Variants in SARNP observed in about 807,000 individuals in gnomAD.
SARNP encodes SAP domain containing ribonucleoprotein, also known as SAP domain-containing ribonucleoprotein.
SARNP carries 5 observed loss-of-function variants against 38.1 expected under a neutral mutation model. The observed-to-expected ratio is 0.13, with a 90% CI of 0.07 to 0.28. The LOEUF (loss-of-function observed/expected upper bound fraction) is 0.28, where lower values mean the gene tolerates loss of function less well. Among genes scored for constraint, SARNP ranks in the 10% least tolerant of loss-of-function variants. The probability of loss-of-function intolerance (pLI) is 1.00; values close to 1 mark genes in which losing one functional copy is unlikely to be tolerated. For missense variants in SARNP, 180 were observed against 243.9 expected, an observed-to-expected ratio of 0.74 and a Z score of 1.75; for synonymous variants, 84 against 80.6, an observed-to-expected ratio of 1.04 and a Z score of -0.23.
intron 8 of SARNP, 73 bp from the exon 9 acceptor site, chr12:55,789,216 T>C: frequency 1.9e-6 from 2 of 1,052,408 alleles, no homozygotes; most frequent in South Asian, 1.4e-5. Context: ...GAAACTATAG[T>C]ATGAAGCTAA....
Position 55,771,714 on chromosome 12 carries a change from T to C in SARNP, c.502-11074A>G, listed in dbSNP as rs142026203. Among the ~76,000 whole-genome samples the C allele has an allele frequency of 3.1e-3, 467 of 152,224 alleles. 4 individuals carry two copies. Among genetic ancestry groups the C allele is most frequent in the African/African-American group, 0.01 (436 of 41,534 alleles). On this transcript the variant is annotated intron_variant, in intron 9 of 10. Coordinates refer to ENST00000336133, the MANE Select transcript of SARNP (RefSeq NM_033082.4). ...ACAAATAACTGCCCCCCTTTGTAAA[T>C]GAGTTACCATACTAAGATGTTAATA...
In SARNP at chr12:55,795,955, G is replaced by A. The variant is rs532020844; in HGVS notation, c.303+70C>T. ...CTGTGAATAAATTTTAGAGGATGAT[G>A]CAGATATAATAAAGGGTAAGAGGGA... is the stretch of plus-strand genomic sequence containing the variant. On this transcript the variant is annotated intron_variant, in intron 5 of 10. Coordinates refer to ENST00000336133, the MANE Select transcript of SARNP (RefSeq NM_033082.4). The A allele has an allele frequency of 5.3e-4, 567 of 1,064,792 alleles. 5 individuals carry two copies. The East Asian group carries it at 0.012, about 23-fold the overall frequency. 66.0% of individuals were successfully genotyped at this position (1,064,792 alleles called of 1,614,324 possible).
chr12:55,802,767 T>C (rs143971431), intron 2 of SARNP, among the ~76,000 whole-genome samples: 9 of 151,470 alleles, frequency 5.9e-5, no homozygotes, highest in African/African-American at 2.2e-4. Flanking sequence ...ATACTATAAG[T>C]AGTATCACTT....
At chr12:55,785,560 T>C (rs1206416784) in intron 9 of SARNP, among the ~76,000 whole-genome samples, 1 of 147,950 alleles carries the variant, frequency 6.8e-6, no homozygotes, top group Admixed American at 6.8e-5. Flanking sequence ...GAGGCCAAAG[T>C]GAGTGATCAC....
intron 9 of SARNP, among the ~76,000 whole-genome samples, chr12:55,773,637 C>G (rs1401183096): frequency 2.0e-5 from 3 of 152,206 alleles, no homozygotes; most frequent in African/African-American, 2.4e-5. Flanking sequence ...CACACAAAGG[C>G]ATTTTTTCCT....
At chr12:55,813,826 G>A (rs534823796) in intron 1 of SARNP, among the ~76,000 whole-genome samples, 3 of 152,162 alleles carry the variant, frequency 2.0e-5, no homozygotes, top group Non-Finnish European at 4.4e-5. Context: ...TTACAAGCGT[G>A]AGCCACTGCA....
intron 6 of SARNP, 83 bp from the exon 7 acceptor site, chr12:55,794,470 C>T (rs1309960139): frequency 1.3e-5 from 16 of 1,185,960 alleles, no homozygotes; most frequent in Non-Finnish European, 1.8e-5. Flanking sequence ...ATACATATGA[C>T]ACTTCTTGCT....
chr12:55,787,148 C>T (rs970251163), intron 9 of SARNP, among the ~76,000 whole-genome samples: 17 of 151,502 alleles, frequency 1.1e-4, no homozygotes, highest in Admixed American at 6.6e-4. Context: ...GGGAGGCTTG[C>T]TTGAGCCTGG....
intron 8 of SARNP, among the ~76,000 whole-genome samples, 182 bp downstream of exon 8, chr12:55,790,385 A>G (rs1214610427): frequency 6.6e-6 from 1 of 152,168 alleles, no homozygotes; most frequent in Admixed American, 6.5e-5. Flanking sequence ...ACATGTGACA[A>G]TTTTCCTGAC....
At chr12:55,757,205 A>T (rs1878532860), downstream of SARNP, 4 of 223,748 alleles carry the variant, frequency 1.8e-5, no homozygotes, top group East Asian at 3.8e-4. Context: ...TTTGCCCCTG[A>T]AGCTCCCCTT....
At chr12:55,757,932 C>T (rs577196078) in intron 10 of SARNP, among the ~76,000 whole-genome samples, 23 of 152,170 alleles carry the variant, frequency 1.5e-4, no homozygotes, top group Middle Eastern at 6.8e-3. Flanking sequence ...AATGGGGAGA[C>T]GGAAGATTTC....
intron 5 of SARNP, among the ~76,000 whole-genome samples, chr12:55,795,263 G>A (rs1565679822): frequency 6.6e-6 from 1 of 152,050 alleles, no homozygotes; most frequent in African/African-American, 2.4e-5. Context: ...CCCAGCCAAA[G>A]GTAGGTATCT....
intron 1 of SARNP, among the ~76,000 whole-genome samples, chr12:55,813,821 A>T (rs1357325341): frequency 1.3e-5 from 2 of 152,102 alleles, no homozygotes; most frequent in African/African-American, 4.8e-5. Flanking sequence ...TGGGATTACA[A>T]GCGTGAGCCA....
chr12:55,811,375 C>T (rs564757102), intron 1 of SARNP, among the ~76,000 whole-genome samples: 1 of 152,100 alleles, frequency 6.6e-6, no homozygotes, highest in Admixed American at 6.6e-5. Flanking sequence ...CTGGGCAACA[C>T]GGGTAGACTC....
chr12:55,807,863 C>T (rs1880202741), intron 1 of SARNP, among the ~76,000 whole-genome samples: 1 of 151,008 alleles, frequency 6.6e-6, no homozygotes, highest in African/African-American at 2.4e-5. Context: ...CTTTCTCACA[C>T]TGATACATTA....
At chr12:55,802,917 C>T (rs1235262222) in intron 2 of SARNP, among the ~76,000 whole-genome samples, 1 of 145,014 alleles carries the variant, frequency 6.9e-6, no homozygotes, top group Non-Finnish European at 1.5e-5. Context: ...TCCACATGGA[C>T]GCATCTTTAA....
intron 1 of SARNP, among the ~76,000 whole-genome samples, chr12:55,806,931 TGA>T (rs1381669777): frequency 6.6e-6 from 1 of 152,224 alleles, no homozygotes; most frequent in Non-Finnish European, 1.5e-5. Context: ...GTCTCAGATT[TGA>T]GAGTTTCACA....
At chr12:55,776,804 G>C (rs1342104808) in intron 9 of SARNP, among the ~76,000 whole-genome samples, 2 of 152,078 alleles carry the variant, frequency 1.3e-5, no homozygotes, top group Non-Finnish European at 1.5e-5. Flanking sequence ...ACTAAGAGTG[G>C]TACTTTCAAA....
chr12:55,758,221 G>A (rs1443109608), intron 10 of SARNP, among the ~76,000 whole-genome samples: 1 of 152,178 alleles, frequency 6.6e-6, no homozygotes, highest in Non-Finnish European at 1.5e-5. Flanking sequence ...TCCTTCATGG[G>A]CACTCCCAAC....
Sources: allele counts gnomAD v4.1 joint callset (sites outside exome capture counted in the v4.1 genomes callset), GRCh38; gene constraint gnomAD v4.1.1; transcripts MANE v1.5; gene names NCBI Gene and HGNC (gene_info 2026-07-23, HGNC 2026-07-21).